Variants in CLOCK observed in about 807,000 individuals in gnomAD.
The protein encoded by CLOCK is clock circadian regulator, also known as circadian locomoter output cycles protein kaput.
CLOCK carries 43 observed loss-of-function variants against 118.4 expected under a neutral mutation model. That is an observed-to-expected ratio of 0.36 (90% confidence interval 0.28 to 0.47). CLOCK has a LOEUF of 0.47. CLOCK is among the 20% of genes least tolerant of loss of function. The pLI is 1.00. For missense variants in CLOCK, 846 were observed against 999.9 expected (o/e 0.85, Z 2.08); for synonymous variants, 326 against 339.2 (o/e 0.96, Z 0.43).
intron 1 of CLOCK, among the ~76,000 whole-genome samples, chr4:55,542,321 G>A (rs188816684): frequency 3.8e-4 from 56 of 148,264 alleles, no homozygotes; most frequent in African/African-American, 1.4e-3. Flanking sequence ...TCCAGCCCGG[G>A]TGACAGAGAG....
chr4:55,445,579 A>ATTT (rs1191320465), intron 18 of CLOCK, among the ~76,000 whole-genome samples: 2 of 65,518 alleles, frequency 3.1e-5, no homozygotes, highest in African/African-American at 5.3e-5. Flanking sequence ...CTATTTCTAT[A>ATTT]TTCTTTTTTT....
intron 1 of CLOCK, among the ~76,000 whole-genome samples, chr4:55,532,264 G>A (rs558281062): frequency 9.2e-5 from 14 of 152,256 alleles, no homozygotes; most frequent in South Asian, 2.1e-4. Flanking sequence ...GGAGCAAGTC[G>A]AGGATGCCCA....
chr4:55,470,308 A>C (rs944587150), intron 8 of CLOCK, among the ~76,000 whole-genome samples: 1 of 152,176 alleles, frequency 6.6e-6, no homozygotes. Context: ...TTTTAAACAT[A>C]TAAATACTGT....
intron 1 of CLOCK, among the ~76,000 whole-genome samples, chr4:55,533,570 A>C (rs1465807931): frequency 6.6e-6 from 1 of 152,188 alleles, no homozygotes; most frequent in African/African-American, 2.4e-5. Context: ...AAACCATATC[A>C]CTGACTAAAG....
chr4:55,541,984 C>A (rs1406469808), intron 1 of CLOCK, among the ~76,000 whole-genome samples: 1 of 151,286 alleles, frequency 6.6e-6, no homozygotes, highest in Non-Finnish European at 1.5e-5. Context: ...ATAGGCTCAT[C>A]CTTACAAATG....
chr4:55,478,802 G>A lies in CLOCK; in HGVS notation c.256+13C>T. The A allele has an allele frequency of 6.2e-7, 1 of 1,610,588 alleles. No individual in the cohort carries two copies. Among genetic ancestry groups the A allele is most frequent in the Non-Finnish European group, 8.5e-7 (1 of 1,177,932 alleles). On this transcript the variant is annotated intron_variant, in intron 6 of 22. Transcript: ENST00000513440. ...TTGAGAGTCTGTTCCATTTTACAGAGTTAAAAATTTACCTTTATGTTTTCG... is the reference window on the plus strand; with the variant it reads ...TTGAGAGTCTGTTCCATTTTACAGAATTAAAAATTTACCTTTATGTTTTCG...
intron 8 of CLOCK, 75 bp from the exon 9 acceptor site, chr4:55,463,880 T>C: frequency 7.2e-7 from 1 of 1,397,462 alleles, no homozygotes; most frequent in Non-Finnish European, 9.8e-7. Context: ...ACATAATCGC[T>C]ATTAAACACA....
Position 55,438,461 on chromosome 4 carries a change from T to C in CLOCK, c.2182A>G (p.Thr728Ala), listed in dbSNP as rs1173200503. Residue 728 changes from threonine (T) to alanine (A), a missense_variant, in exon 22 of 23, where the codon ACT becomes GCT. Physicochemically the swap from Thr to Ala is moderately conservative, Grantham distance 58. Around this residue, in one of 4 missense-constraint regions of CLOCK, gnomAD observed 520 missense variants for 558.0 expected, o/e 0.93. Coordinates refer to ENST00000513440, the MANE Select transcript of CLOCK (RefSeq NM_004898.4). ...VACGAVMVPS[T>A]MLMGQVVTAY... Reference sequence around the variant, plus strand: ...GTCACCACCTGGCCCATAAGCATAGTACTAGGTACCATGACTGCCCCACAA... The same window carrying C: ...GTCACCACCTGGCCCATAAGCATAGCACTAGGTACCATGACTGCCCCACAA... 2 of 1,613,914 alleles carry C rather than the reference T, an allele frequency of 1.2e-6. No homozygotes were observed. Among genetic ancestry groups the C allele is most frequent in the Non-Finnish European group, 1.7e-6 (2 of 1,180,008 alleles).
chr4:55,479,050 G>A, intron 5 of CLOCK, 87 bp from the exon 6 acceptor site: 1 of 1,076,058 alleles, frequency 9.3e-7, no homozygotes, highest in Non-Finnish European at 1.4e-6. Context: ...ACATGACACA[G>A]CATGTACTTC....
At chr4:55,519,164 G>T (rs768842691) in intron 1 of CLOCK, among the ~76,000 whole-genome samples, 2 of 152,066 alleles carry the variant, frequency 1.3e-5, no homozygotes, top group Admixed American at 6.6e-5. Context: ...TGATCCTCCC[G>T]CCTCAGCCTC....
chr4:55,508,890 C>G (rs7681414), intron 2 of CLOCK, among the ~76,000 whole-genome samples: 37,457 of 151,982 alleles, frequency 0.25, 4,944 homozygotes, highest in South Asian at 0.37. Flanking sequence ...AGACATATGT[C>G]GTGGGGATAC....
intron 13 of CLOCK, among the ~76,000 whole-genome samples, chr4:55,455,404 T>C (rs1254572359): frequency 3.9e-5 from 6 of 152,086 alleles, no homozygotes; most frequent in African/African-American, 1.4e-4. Context: ...ATGAAGATAA[T>C]AGATGTAAAG....
At chr4:55,498,914 T>C (rs1297824141) in intron 2 of CLOCK, among the ~76,000 whole-genome samples, 7 of 152,222 alleles carry the variant, frequency 4.6e-5, no homozygotes, top group Non-Finnish European at 1.5e-5. Context: ...CGAGATCTGA[T>C]GGGATTTCTA....
chr4:55,527,710 G>A lies in CLOCK; in HGVS notation c.-289-17645C>T, dbSNP rs535276709. On this transcript the variant is annotated intron_variant, in intron 1 of 22. Transcript: ENST00000513440. ...TGTTTTATGATATTAAGGAAGTATCGTTAATTTTGTTAGGTGTGGTAATGA... is the reference window on the plus strand; with the variant it reads ...TGTTTTATGATATTAAGGAAGTATCATTAATTTTGTTAGGTGTGGTAATGA... Among the ~76,000 whole-genome samples, 74 of 152,214 alleles carry A rather than the reference G, an allele frequency of 4.9e-4. No individual in the cohort carries two copies. In the Middle Eastern group the frequency reaches 0.014, roughly 28 times the overall value.
chr4:55,475,427 T>A (rs1345049399), intron 7 of CLOCK, among the ~76,000 whole-genome samples: 1 of 152,160 alleles, frequency 6.6e-6, no homozygotes. Flanking sequence ...ATTACATAAA[T>A]TTAGTTGATA....
chr4:55,521,498 G>A (rs1233073535), intron 1 of CLOCK, among the ~76,000 whole-genome samples: 2 of 152,182 alleles, frequency 1.3e-5, no homozygotes, highest in East Asian at 1.9e-4. Context: ...GACTGCAGGC[G>A]TGCGTCAACA....
intron 1 of CLOCK, among the ~76,000 whole-genome samples, chr4:55,513,506 A>G (rs1436586690): frequency 6.6e-6 from 1 of 152,098 alleles, no homozygotes; most frequent in African/African-American, 2.4e-5. Context: ...ATCTATTAAA[A>G]TATTTGTCTA....
intron 1 of CLOCK, among the ~76,000 whole-genome samples, chr4:55,513,361 ATACTC>A (rs1729287676): frequency 6.6e-6 from 1 of 152,148 alleles, no homozygotes; most frequent in Admixed American, 6.5e-5. Flanking sequence ...TTGTGTAAAT[ATACTC>A]TATGTTATTT....
chr4:55,451,365 T>C (rs1164887887), intron 15 of CLOCK, among the ~76,000 whole-genome samples: 2 of 152,226 alleles, frequency 1.3e-5, no homozygotes, highest in African/African-American at 4.8e-5. Flanking sequence ...AGTAACTTCC[T>C]GGTTTTATTC....
Sources: allele counts gnomAD v4.1 joint callset (sites outside exome capture counted in the v4.1 genomes callset), GRCh38; gene constraint gnomAD v4.1.1; regional missense constraint gnomAD v4.1.1; transcripts MANE v1.5; gene names NCBI Gene and HGNC (gene_info 2026-07-23, HGNC 2026-07-21).